The following DDX1 variants were observed in gnomAD, a reference collection of about 807,000 sequenced individuals.
DDX1 encodes ATP-dependent RNA helicase DDX1.
A neutral mutation model predicts 108.7 loss-of-function variants in DDX1; 28 were observed. The observed-to-expected ratio is 0.26, with a 90% CI of 0.19 to 0.35. The LOEUF is 0.35. Ranked by LOEUF, DDX1 falls within the 10% of genes least tolerant of loss-of-function variation. The pLI, the probability that DDX1 is intolerant of heterozygous loss-of-function variation, is 1.00. For synonymous variants in DDX1, 295 were observed against 288.9 expected (o/e 1.02, Z -0.21); for missense variants, 710 against 884.5 (o/e 0.80, Z 2.50).
At chr2:15,603,048 G>A (rs1327631672) in intron 7 of DDX1, 144 bp from the exon 8 acceptor site, 4 of 613,382 alleles carry the variant, frequency 6.5e-6, no homozygotes, top group Non-Finnish European at 1.1e-5. Flanking sequence ...CGAGGATCTG[G>A]GAAGGTGTTT....
chr2:15,623,354 A>C (rs867548470), intron 18 of DDX1, 82 bp from the exon 19 acceptor site: 3 of 1,320,490 alleles, frequency 2.3e-6, no homozygotes, highest in Non-Finnish European at 3.2e-6. Context: ...TTAAGCAGTC[A>C]GTCTGTGACT....
At chr2:15,592,088 T>G (rs1158973042) in intron 1 of DDX1, 139 bp downstream of exon 1, 1 of 809,966 alleles carries the variant, frequency 1.2e-6, no homozygotes, top group Admixed American at 4.3e-5. Flanking sequence ...CAGTCCCTGA[T>G]GGACCCGCGT....
In DDX1 at chr2:15,609,660, TATC is replaced by T. The variant is rs1391970133; in HGVS notation, c.956+2350_956+2352del. On this transcript the variant is annotated intron_variant, in intron 13 of 25. Transcript: ENST00000233084. ...CAGTGCTTTGCGTATAAGCATCAAT[TATC>T]ATGTGTATGTGTGTTTACCTTCTGC... Among the ~76,000 whole-genome samples the T allele has an allele frequency of 3.3e-5, 5 of 152,340 alleles. No homozygotes were observed. The East Asian group carries it at 9.6e-4, about 29-fold the overall frequency.
At chr2:15,616,466 A>G (rs574719859) in intron 14 of DDX1, among the ~76,000 whole-genome samples, 2 of 152,342 alleles carry the variant, frequency 1.3e-5, no homozygotes, top group East Asian at 3.9e-4. Flanking sequence ...GGACTTGACT[A>G]CAAGATATGT....
chr2:15,625,210 A>G (rs1311421984), intron 19 of DDX1, among the ~76,000 whole-genome samples: 4 of 149,520 alleles, frequency 2.7e-5, no homozygotes. Context: ...TTACTCAAGA[A>G]TATACACTGT....
Position 15,607,227 on chromosome 2 carries a change from C to G in DDX1, c.870C>G (p.Leu290=), listed in dbSNP as rs140378645. The G allele has an allele frequency of 5.0e-6, 8 of 1,613,872 alleles. No individual in the cohort carries two copies. Among genetic ancestry groups the G allele is most frequent in the Non-Finnish European group, 6.8e-6 (8 of 1,179,798 alleles). The part of the protein sequence containing the change: ...TKFLPNAPKA[L]IVEPSRELAE... ...TTCTCCCCAATGCTCCGAAAGCTCT[C>G]ATTGTTGAACCTTCCCGGGAGTTAG... The change falls in exon 13 of 26, where the codon CTC becomes CTG. Residue 290 remains leucine, a synonymous_variant. Coordinates refer to ENST00000233084, the MANE Select transcript of DDX1 (RefSeq NM_004939.3).
chr2:15,606,384 C>CT (rs1386218782), intron 12 of DDX1, 120 bp downstream of exon 12: 10 of 640,952 alleles, frequency 1.6e-5, no homozygotes, highest in Non-Finnish European at 2.4e-5. Context: ...AGTCACACAT[C>CT]TTTTTTTAAC....
chr2:15,606,168 A>T lies in DDX1; in HGVS notation c.721A>T (p.Asn241Tyr). Residue 241 changes from asparagine (N) to tyrosine (Y), a missense_variant, in exon 12 of 26, where the codon AAC becomes TAC. This residue lies in a region of DDX1 where 661 missense variants were observed against 810.2 expected (regional missense o/e 0.82). Coordinates refer to ENST00000233084, the MANE Select transcript of DDX1 (RefSeq NM_004939.3). ...CVLKNAELKF[N>Y]FGEEEFKFPP... ...ATGCTAGAATGCTGAACTGAAATTT[A>T]ACTTCGGTGAAGAGGAATTTAAGTT... The T allele has an allele frequency of 6.2e-7, 1 of 1,613,736 alleles. No individual in the cohort carries two copies. The highest frequency in any genetic ancestry group is 8.5e-7 in the Non-Finnish European group (1 of 1,179,726).
intron 16 of DDX1, among the ~76,000 whole-genome samples, chr2:15,619,439 A>C (rs557072494): frequency 6.6e-6 from 1 of 151,726 alleles, no homozygotes; most frequent in Non-Finnish European, 1.5e-5. Flanking sequence ...GGGCACAGGG[A>C]ACCCACCACC....
chr2:15,605,570 A>G (rs781483851), intron 10 of DDX1, among the ~76,000 whole-genome samples: 1 of 152,160 alleles, frequency 6.6e-6, no homozygotes, highest in African/African-American at 2.4e-5. Flanking sequence ...AGAGAATGAG[A>G]TGAAAGAAAG....
At chr2:15,616,473 A>G (rs892487029) in intron 14 of DDX1, among the ~76,000 whole-genome samples, 2 of 152,196 alleles carry the variant, frequency 1.3e-5, no homozygotes, top group African/African-American at 2.4e-5. Flanking sequence ...ACTACAAGAT[A>G]TGTGTGGGAG....
chr2:15,593,939 G>C (rs1003868891), intron 1 of DDX1, among the ~76,000 whole-genome samples: 3 of 152,058 alleles, frequency 2.0e-5, no homozygotes, highest in African/African-American at 7.2e-5. Flanking sequence ...ATTAGCGGGC[G>C]TGGTGGCATG....
intron 1 of DDX1, among the ~76,000 whole-genome samples, chr2:15,594,095 GAAAA>G (rs1382756053): frequency 6.6e-6 from 1 of 150,810 alleles, no homozygotes; most frequent in Non-Finnish European, 1.5e-5. Context: ...CAAAAGAAAA[GAAAA>G]AAAAGAAAAA....
intron 13 of DDX1, among the ~76,000 whole-genome samples, chr2:15,611,778 G>A (rs1316103978): frequency 1.9e-5 from 2 of 104,642 alleles, no homozygotes; most frequent in African/African-American, 8.8e-5. Context: ...GTGGCTGGCC[G>A]GGCGGGGGGC....
intron 22 of DDX1, 38 bp from the exon 23 acceptor site, chr2:15,628,759 G>T: frequency 6.2e-7 from 1 of 1,612,832 alleles, no homozygotes; most frequent in Non-Finnish European, 8.5e-7. Context: ...TATGCTTTAG[G>T]AATAAAGTCT....
At chr2:15,605,928 T>A (rs538279727) in intron 10 of DDX1, 22 bp from the exon 11 acceptor site, 45 of 1,497,072 alleles carry the variant, frequency 3.0e-5, no homozygotes, top group Non-Finnish European at 4.0e-5. Context: ...TTTTAATCTC[T>A]CTCTCTCTCT....
intron 17 of DDX1, 66 bp downstream of exon 17, chr2:15,620,462 G>C: frequency 1.6e-6 from 2 of 1,268,784 alleles, no homozygotes; most frequent in Non-Finnish European, 2.2e-6. Context: ...TCAGCCTTGG[G>C]CTCTTAGTGA....
chr2:15,606,325 G>A (rs772653086), intron 12 of DDX1, 61 bp downstream of exon 12: 11 of 1,219,758 alleles, frequency 9.0e-6, no homozygotes, highest in Non-Finnish European at 1.3e-5. Flanking sequence ...GAGAACTCCA[G>A]TAAGTAAGGC....
intron 19 of DDX1, among the ~76,000 whole-genome samples, chr2:15,625,367 C>T (rs1666084358): frequency 6.6e-6 from 1 of 152,118 alleles, no homozygotes; most frequent in Non-Finnish European, 1.5e-5. Context: ...TAATGATGTT[C>T]TGTATCCTAA....
Sources: gnomAD v4.1 joint callset for allele counts (sites outside exome capture counted in the v4.1 genomes callset) on GRCh38, gnomAD v4.1.1 for gene constraint, gnomAD v4.1.1 regional missense constraint, MANE v1.5 for transcripts, NCBI Gene and HGNC (gene_info 2026-07-23, HGNC 2026-07-21) for gene names.